Variants in RHBDL3 observed in about 807,000 individuals in gnomAD.
RHBDL3 encodes the protein rhomboid-related protein 3.
Under a neutral mutation model 48.2 loss-of-function variants are expected in RHBDL3, and 28 were observed. The ratio of observed to expected loss-of-function variants is 0.58; its 90% CI spans 0.43 to 0.80. The LOEUF is 0.80. RHBDL3 is among the 30% of genes least tolerant of loss of function. The pLI is 0.00. For synonymous variants in RHBDL3, 208 were observed against 232.3 expected (o/e 0.90, Z 0.95); for missense variants, 464 against 542.7 (o/e 0.85, Z 1.44).
chr17:32,313,115 G>A (rs1217671480), intron 7 of RHBDL3, among the ~76,000 whole-genome samples: 1 of 150,460 alleles, frequency 6.6e-6, no homozygotes, highest in Non-Finnish European at 1.5e-5. Context: ...CCAGCACTTT[G>A]GGAGGCCGAG....
intron 7 of RHBDL3, among the ~76,000 whole-genome samples, chr17:32,312,708 T>C (rs2040873683): frequency 6.6e-6 from 1 of 151,842 alleles, no homozygotes; most frequent in South Asian, 2.1e-4. Flanking sequence ...TTAGTAGAGA[T>C]GGGGTTTTGC....
At chr17:32,305,218 G>C in intron 6 of RHBDL3, 123 bp from the exon 7 acceptor site, 1 of 698,018 alleles carries the variant, frequency 1.4e-6, no homozygotes, top group South Asian at 1.6e-5. Context: ...ACTCAAAGGA[G>C]GAAGAGGTGG....
At chr17:32,282,742 C>A (rs895525308) in intron 2 of RHBDL3, among the ~76,000 whole-genome samples, 1 of 152,132 alleles carries the variant, frequency 6.6e-6, no homozygotes, top group Non-Finnish European at 1.5e-5. Flanking sequence ...CCTGCCTCAG[C>A]CTCCCAAGTA....
intron 8 of RHBDL3, among the ~76,000 whole-genome samples, chr17:32,317,275 G>C (rs2040999551): frequency 6.6e-6 from 1 of 152,182 alleles, no homozygotes; most frequent in South Asian, 2.1e-4. Context: ...AACCTTTTTG[G>C]TCATGGAACT....
At position 32,288,070 on chromosome 17, in the gene RHBDL3, G is replaced by A. The variant is rs538619659; in HGVS notation, c.295-722G>A. 2.6e-5 allele frequency among the ~76,000 whole-genome samples: 4 copies of A among 152,302 alleles called. No homozygotes were observed. The East Asian group carries it at 5.8e-4, about 22-fold the overall frequency. ...CATTCCAGGTCCTGTGAAGGCCCTC[G>A]GGAGTGGTGACCTTCCCCAGGCACA... On this transcript the variant is annotated intron_variant, in intron 3 of 8. Transcript: ENST00000269051.
In RHBDL3 at chr17:32,297,652, CTTTTTTTTTTTTTT is replaced by C. The variant is rs71362824; in HGVS notation, c.669-424_669-411del. 1.0e-3 allele frequency among the ~76,000 whole-genome samples: 53 copies of C among 50,982 alleles called. 1 individual carries two copies. The East Asian group carries it at 0.023, about 22-fold the overall frequency. The allele number at this position is 50,982 out of a possible 152,430, so 33.4% of individuals were successfully genotyped here. A position where few individuals can be genotyped will look rare whatever the true frequency, so the allele number is the denominator to read the frequency against. ...ATGTTAACTGATGGAGTTGCTGGAT[CTTTTTTTTTTTTTT>C]TTTTTTTTTTTTTTTCAGAGATGGT... On this transcript the variant is annotated intron_variant, in intron 5 of 8. Coordinates refer to ENST00000269051, the MANE Select transcript of RHBDL3 (RefSeq NM_138328.3).
chr17:32,272,816 C>T (rs190728996), intron 2 of RHBDL3, among the ~76,000 whole-genome samples: 2 of 152,322 alleles, frequency 1.3e-5, no homozygotes, highest in African/African-American at 4.8e-5. Flanking sequence ...AACGACAGGT[C>T]GAACTACAGC....
At chr17:32,320,612 C>G (rs2041103780) in intron 8 of RHBDL3, among the ~76,000 whole-genome samples, 1 of 152,234 alleles carries the variant, frequency 6.6e-6, no homozygotes, top group Admixed American at 6.5e-5. Flanking sequence ...GTGTGAGCCG[C>G]CGCACCCGGC....
chr17:32,320,244 G>T (rs922851281), intron 8 of RHBDL3, among the ~76,000 whole-genome samples: 1 of 152,120 alleles, frequency 6.6e-6, no homozygotes, highest in Non-Finnish European at 1.5e-5. Flanking sequence ...CTGTACTCCC[G>T]CCTAGAGTGA....
chr17:32,315,766 T>C (rs1278809619), intron 7 of RHBDL3, among the ~76,000 whole-genome samples: 1 of 151,864 alleles, frequency 6.6e-6, no homozygotes, highest in Non-Finnish European at 1.5e-5. Context: ...TCATTTGATA[T>C]TTGACAACAA....
chr17:32,289,144 T>C, intron 4 of RHBDL3, 128 bp downstream of exon 4: 2 of 721,194 alleles, frequency 2.8e-6, no homozygotes, highest in South Asian at 3.5e-5. Context: ...AGGGCAATGG[T>C]TGAGGATCAA....
intron 3 of RHBDL3, among the ~76,000 whole-genome samples, chr17:32,286,058 C>G (rs1191818748): frequency 6.6e-6 from 1 of 152,034 alleles, no homozygotes; most frequent in Non-Finnish European, 1.5e-5. Context: ...CTGAGCTGAG[C>G]AGGGGAGGGG....
At chr17:32,293,791 T>C (rs2040388291) in intron 4 of RHBDL3, among the ~76,000 whole-genome samples, 1 of 139,102 alleles carries the variant, frequency 7.2e-6, no homozygotes, top group South Asian at 2.3e-4. Context: ...GTTGCGGCCA[T>C]TTGACACAAA....
At position 32,320,995 on chromosome 17, in the gene RHBDL3, C is replaced by T; in HGVS notation, c.981C>T (p.Phe327=). The change falls in exon 9 of 9, where the codon TTC becomes TTT. Residue 327 remains phenylalanine (F), a synonymous_variant. Coordinates refer to ENST00000269051, the MANE Select transcript of RHBDL3 (RefSeq NM_138328.3). ...TTGGGCGGGCCGTGTGGCTCCGCTT[C>T]CACCCGTCGGCCTATCCCCCGTGCC... ...MEFGRAVWLR[F]HPSAYPPCPH... is the part of the protein sequence containing the mutation. 6.2e-7 allele frequency: 1 copy of T among 1,613,786 alleles called. No homozygotes were observed. Among genetic ancestry groups the T allele is most frequent in the South Asian group, 1.1e-5 (1 of 91,060 alleles).
intron 7 of RHBDL3, among the ~76,000 whole-genome samples, chr17:32,307,916 T>C (rs563932693): frequency 7.9e-4 from 120 of 152,040 alleles, no homozygotes; most frequent in African/African-American, 2.7e-3. Context: ...CCAAGACTTG[T>C]ATGTGTGTAG....
intron 5 of RHBDL3, among the ~76,000 whole-genome samples, 187 bp downstream of exon 5, chr17:32,294,629 G>A (rs2040408749): frequency 6.6e-6 from 1 of 152,180 alleles, no homozygotes; most frequent in Non-Finnish European, 1.5e-5. Context: ...ATGGGAAAGG[G>A]GAAAATATAT....
chr17:32,315,283 T>G (rs542772540), intron 7 of RHBDL3, among the ~76,000 whole-genome samples: 144 of 152,318 alleles, frequency 9.5e-4, no homozygotes, highest in African/African-American at 3.3e-3. Context: ...CCCTGGGGCT[T>G]ATGTGTTCCA....
At chr17:32,304,610 A>G (rs1051693933) in intron 6 of RHBDL3, among the ~76,000 whole-genome samples, 3 of 152,186 alleles carry the variant, frequency 2.0e-5, no homozygotes, top group South Asian at 2.1e-4. Context: ...TTTGCTTGGT[A>G]TCCGTGTCAC....
At chr17:32,318,193 C>T (rs1338318424) in intron 8 of RHBDL3, among the ~76,000 whole-genome samples, 1 of 151,542 alleles carries the variant, frequency 6.6e-6, no homozygotes, top group African/African-American at 2.4e-5. Context: ...TCCACACACA[C>T]ACACACAAAA....
Sources: gnomAD v4.1 joint callset for allele counts (sites outside exome capture counted in the v4.1 genomes callset) on GRCh38, gnomAD v4.1.1 for gene constraint, MANE v1.5 for transcripts, NCBI Gene and HGNC (gene_info 2026-07-23, HGNC 2026-07-21) for gene names.